EYA4: variants seen among roughly 807,000 people sequenced by gnomAD.
The protein encoded by EYA4 is EYA transcriptional coactivator and phosphatase 4, also known as protein phosphatase EYA4.
A neutral mutation model predicts 87.9 loss-of-function variants in EYA4; 31 were observed. The observed-to-expected ratio is 0.35, with a 90% CI of 0.27 to 0.48. The LOEUF (loss-of-function observed/expected upper bound fraction) is 0.48. EYA4 is among the 20% of genes least tolerant of loss of function. The probability of loss-of-function intolerance (pLI) is 0.99; values close to 1 mark genes in which losing one functional copy is unlikely to be tolerated. For synonymous variants in EYA4, 263 were observed against 270.6 expected, an observed-to-expected ratio of 0.97 and a Z score of 0.28; for missense variants, 678 against 761.4, an observed-to-expected ratio of 0.89 and a Z score of 1.29.
chr6:133,515,017 G>A (rs1248604286), intron 16 of EYA4, among the ~76,000 whole-genome samples: 1 of 152,164 alleles, frequency 6.6e-6, no homozygotes, highest in East Asian at 1.9e-4. Context: ...GCAGGGGCAT[G>A]TTCAAAGCTC....
intron 1 of EYA4, among the ~76,000 whole-genome samples, chr6:133,272,695 C>A (rs542931429): frequency 6.6e-6 from 1 of 152,322 alleles, no homozygotes; most frequent in African/African-American, 2.4e-5. Flanking sequence ...GCATCCCTAT[C>A]TGCTACTGGC....
At chr6:133,333,009 T>G (rs1244090177) in intron 2 of EYA4, among the ~76,000 whole-genome samples, 2 of 152,176 alleles carry the variant, frequency 1.3e-5, no homozygotes, top group South Asian at 2.1e-4. Flanking sequence ...CAGTCTAATT[T>G]CTTCCAGTTT....
chr6:133,312,353 A>G (rs1219966897), intron 2 of EYA4, among the ~76,000 whole-genome samples: 1 of 151,348 alleles, frequency 6.6e-6, no homozygotes, highest in Admixed American at 6.6e-5. Flanking sequence ...TCTTGGTGGT[A>G]CTTGTGTGTG....
chr6:133,476,286 T>A (rs1224669474), intron 11 of EYA4, among the ~76,000 whole-genome samples: 1 of 152,096 alleles, frequency 6.6e-6, no homozygotes, highest in Non-Finnish European at 1.5e-5. Context: ...CTCTTAGCAA[T>A]TTTTAGAAAT....
chr6:133,472,351 A>G (rs1795344176), intron 11 of EYA4, among the ~76,000 whole-genome samples: 1 of 93,680 alleles, frequency 1.1e-5, no homozygotes, highest in Non-Finnish European at 2.0e-5. Context: ...TTCGTTATGT[A>G]CCCAGTAGTC....
chr6:133,499,144 TA>T (rs1198411596), intron 13 of EYA4, among the ~76,000 whole-genome samples: 1 of 152,208 alleles, frequency 6.6e-6, no homozygotes, highest in Non-Finnish European at 1.5e-5. Context: ...GATGATCATT[TA>T]ATCTCATATC....
intron 13 of EYA4, among the ~76,000 whole-genome samples, chr6:133,501,385 A>G (rs181661713): frequency 6.6e-6 from 1 of 152,122 alleles, no homozygotes; most frequent in East Asian, 1.9e-4. Context: ...TTGGAATTTG[A>G]ACGTGTCTAA....
At chr6:133,311,213 T>C (rs1780186837) in intron 2 of EYA4, among the ~76,000 whole-genome samples, 1 of 152,170 alleles carries the variant, frequency 6.6e-6, no homozygotes, top group Admixed American at 6.5e-5. Context: ...ATAATCCCTC[T>C]CTGGACCATG....
At chr6:133,495,343 TAC>T (rs1321712330) in intron 13 of EYA4, among the ~76,000 whole-genome samples, 1 of 148,174 alleles carries the variant, frequency 6.7e-6, no homozygotes, top group Non-Finnish European at 1.5e-5. Flanking sequence ...TAAAAAATAC[TAC>T]AGAGATATAT....
chr6:133,297,425 C>T (rs1779026037), intron 2 of EYA4, among the ~76,000 whole-genome samples: 1 of 152,244 alleles, frequency 6.6e-6, no homozygotes, highest in Non-Finnish European at 1.5e-5. Context: ...CCTCCTCCCT[C>T]TGAGCCAAGG....
At position 133,529,509 on chromosome 6, in the gene EYA4, C is replaced by T. The variant is rs1800880246; in HGVS notation, c.*704C>T. On this transcript the variant is annotated 3_prime_UTR_variant, in exon 20 of 20. Transcript: ENST00000355286. ...GTTACAATGTAACTTTGGTTAAAATCTCTGTAGATAATGAAAAAAAACAAA... is the reference window on the plus strand; with the variant it reads ...GTTACAATGTAACTTTGGTTAAAATTTCTGTAGATAATGAAAAAAAACAAA... 2.1e-6 allele frequency: 2 copies of T among 945,826 alleles called. No homozygotes were observed. Among genetic ancestry groups the T allele is most frequent in the Non-Finnish European group, 1.3e-6 (1 of 799,070 alleles). 58.6% of individuals were successfully genotyped at this position (945,826 alleles called of 1,614,324 possible).
At chr6:133,366,872 G>A (rs559017228) in intron 2 of EYA4, among the ~76,000 whole-genome samples, 38 of 152,138 alleles carry the variant, frequency 2.5e-4, no homozygotes, top group South Asian at 1.9e-3. Flanking sequence ...GTTTTTCTTC[G>A]TTCTCTAATG....
At chr6:133,446,847 T>A in intron 4 of EYA4, 93 bp downstream of exon 4, 1 of 1,150,610 alleles carries the variant, frequency 8.7e-7, no homozygotes, top group East Asian at 2.5e-5. Flanking sequence ...AAATATCTTA[T>A]TATCAATAAC....
chr6:133,516,886 A>G (rs189603928), intron 17 of EYA4, among the ~76,000 whole-genome samples: 1 of 152,126 alleles, frequency 6.6e-6, no homozygotes, highest in Non-Finnish European at 1.5e-5. Context: ...CATGGTGTAC[A>G]TGTACCACAT....
intron 6 of EYA4, among the ~76,000 whole-genome samples, chr6:133,459,096 G>A (rs562499009): frequency 6.6e-6 from 1 of 152,172 alleles, no homozygotes; most frequent in African/African-American, 2.4e-5. Flanking sequence ...ATCCAATTTT[G>A]TTGTTCTTTT....
intron 2 of EYA4, among the ~76,000 whole-genome samples, chr6:133,345,823 A>G (rs1783150123): frequency 6.6e-6 from 1 of 152,244 alleles, no homozygotes; most frequent in Admixed American, 6.5e-5. Context: ...CTCTTATAAT[A>G]CATTTTGAGG....
chr6:133,311,377 T>A (rs1285204784), intron 2 of EYA4, among the ~76,000 whole-genome samples: 1 of 151,922 alleles, frequency 6.6e-6, no homozygotes, highest in Non-Finnish European at 1.5e-5. Flanking sequence ...CCAGGCTGGA[T>A]TGCAGTGATG....
intron 2 of EYA4, among the ~76,000 whole-genome samples, chr6:133,314,966 G>C (rs1348486602): frequency 2.0e-5 from 3 of 152,036 alleles, no homozygotes; most frequent in Non-Finnish European, 2.9e-5. Flanking sequence ...TTTAATTTGG[G>C]GTGGTGACTG....
chr6:133,249,140 C>T (rs950688637), intron 1 of EYA4, among the ~76,000 whole-genome samples: 6 of 152,158 alleles, frequency 3.9e-5, no homozygotes, highest in African/African-American at 1.4e-4. Flanking sequence ...TTCTACTCTG[C>T]ATGGCTTTGA....
Sources: allele counts gnomAD v4.1 joint callset (sites outside exome capture counted in the v4.1 genomes callset), GRCh38; gene constraint gnomAD v4.1.1; transcripts MANE v1.5; gene names NCBI Gene and HGNC (gene_info 2026-07-23, HGNC 2026-07-21).